WNK3: variants seen among roughly 807,000 people sequenced by gnomAD.
WNK3 encodes WNK lysine deficient protein kinase 3.
Under a neutral mutation model 116.7 loss-of-function variants are expected in WNK3, and 18 were observed. The ratio of observed to expected loss-of-function variants is 0.15; its 90% CI spans 0.11 to 0.23. The LOEUF (loss-of-function observed/expected upper bound fraction) is 0.23, where lower values mean the gene tolerates loss of function less well. Among genes scored for constraint, WNK3 ranks in the 10% least tolerant of loss-of-function variants. The probability of loss-of-function intolerance (pLI) is 1.00; values close to 1 mark genes in which losing one functional copy is unlikely to be tolerated. For synonymous variants in WNK3, 404 were observed against 469.4 expected (o/e 0.86, Z 1.80); for missense variants, 993 against 1,323.8 (o/e 0.75, Z 3.88).
chrX:54,267,254 G>A (rs2068323580), intron 10 of WNK3, among the ~76,000 whole-genome samples: 1 of 110,285 alleles, frequency 9.1e-6, no homozygotes, highest in South Asian at 4.0e-4. Flanking sequence ...TTTTGGTAGA[G>A]ACAGGATTTC....
intron 21 of WNK3, 44 bp downstream of exon 21, chrX:54,232,765 T>A (rs782802095): frequency 2.7e-6 from 3 of 1,106,127 alleles, no homozygotes; most frequent in Non-Finnish European, 3.7e-6. Context: ...ATTTTGCTAA[T>A]CTTGGACTAG....
chrX:54,268,261 C>T (rs782166576), intron 10 of WNK3, among the ~76,000 whole-genome samples: 1 of 111,281 alleles, frequency 9.0e-6, no homozygotes, highest in East Asian at 2.8e-4. Flanking sequence ...GCGAGGGGAT[C>T]GCTTGAGCCC....
intron 22 of WNK3, among the ~76,000 whole-genome samples, chrX:54,225,159 A>G (rs781821771): frequency 2.8e-5 from 3 of 109,032 alleles, no homozygotes; most frequent in Non-Finnish European, 5.7e-5. Context: ...AGGCAGAAAG[A>G]TCACTTGAGT....
chrX:54,330,503 G>GC (rs2069156292), intron 2 of WNK3, among the ~76,000 whole-genome samples: 1 of 112,057 alleles, frequency 8.9e-6, no homozygotes, highest in Non-Finnish European at 1.9e-5. Context: ...GCTTCAGTGA[G>GC]CCAAGACAGC....
intron 6 of WNK3, among the ~76,000 whole-genome samples, chrX:54,299,449 GTTTTTTTT>G (rs11383477): frequency 1.2e-5 from 1 of 83,706 alleles, no homozygotes; most frequent in Admixed American, 1.3e-4. Context: ...GTGTTTTGGT[GTTTTTTTT>G]TTTTTTTTTT....
chrX:54,251,923 G>A (rs2068134601), intron 13 of WNK3, among the ~76,000 whole-genome samples: 1 of 108,867 alleles, frequency 9.2e-6, no homozygotes, highest in Admixed American at 9.9e-5. Context: ...AAATTAACTG[G>A]GTATGATGGC....
chrX:54,293,892 C>T (rs1312043893), intron 8 of WNK3, among the ~76,000 whole-genome samples: 3 of 112,026 alleles, frequency 2.7e-5, no homozygotes, highest in Non-Finnish European at 5.6e-5. Flanking sequence ...AAACGATGTA[C>T]GTGGCTGGGC....
At chrX:54,205,279 A>G (rs868949395) in intron 22 of WNK3, among the ~76,000 whole-genome samples, 1 of 102,608 alleles carries the variant, frequency 9.7e-6, no homozygotes, top group Admixed American at 1.0e-4. Context: ...AAACAAACAA[A>G]CAACAAAAAA....
chrX:54,278,842 G>A (rs782158703), intron 10 of WNK3, among the ~76,000 whole-genome samples: 3 of 111,696 alleles, frequency 2.7e-5, no homozygotes, highest in East Asian at 5.6e-4. Context: ...AGGCTAAGGC[G>A]GGTGGATCAC....
chrX:54,227,960 G>A (rs894219774), intron 22 of WNK3, among the ~76,000 whole-genome samples: 1 of 110,698 alleles, frequency 9.0e-6, no homozygotes, highest in African/African-American at 3.3e-5. Flanking sequence ...GCGTGAACAC[G>A]GATCACTGCA....
At chrX:54,216,865 T>A (rs1316369198) in intron 22 of WNK3, among the ~76,000 whole-genome samples, 1 of 111,683 alleles carries the variant, frequency 9.0e-6, no homozygotes, top group Non-Finnish European at 1.9e-5. Context: ...AAATTAAAAA[T>A]AAATAAATAA....
At chrX:54,327,685 T>G (rs2069122029) in intron 2 of WNK3, among the ~76,000 whole-genome samples, 1 of 110,883 alleles carries the variant, frequency 9.0e-6, no homozygotes. Context: ...AGACTCTGTC[T>G]CTAAAAATCA....
chrX:54,285,741 G>A (rs1281434050), intron 10 of WNK3, among the ~76,000 whole-genome samples: 3 of 112,187 alleles, frequency 2.7e-5, no homozygotes, highest in Non-Finnish European at 5.6e-5. Context: ...CCTCTTCTAT[G>A]TCTTGATAAT....
chrX:54,226,042 GA>G (rs1364067021), intron 22 of WNK3, among the ~76,000 whole-genome samples: 1 of 88,973 alleles, frequency 1.1e-5, no homozygotes, highest in Non-Finnish European at 2.2e-5. Flanking sequence ...CTCAATGGGG[GA>G]AAAATAGTCT....
chrX:54,215,325 G>C (rs1024463146), intron 22 of WNK3, among the ~76,000 whole-genome samples: 2 of 110,946 alleles, frequency 1.8e-5, no homozygotes, highest in African/African-American at 3.3e-5. Context: ...CGAGTGCCTG[G>C]GATTGCAGGC....
intron 17 of WNK3, 121 bp downstream of exon 17, chrX:54,248,576 T>C (rs2146926186): frequency 3.4e-6 from 2 of 594,167 alleles, no homozygotes; most frequent in East Asian, 3.6e-5. Flanking sequence ...TAAATACCTG[T>C]GACCTCAGCA....
chrX:54,278,584 C>T (rs1187122069), intron 10 of WNK3, among the ~76,000 whole-genome samples: 8 of 110,506 alleles, frequency 7.2e-5, no homozygotes, highest in Admixed American at 5.8e-4. Flanking sequence ...AAAAGACCCA[C>T]GCAAATAAGC....
At chrX:54,249,853 T>C in intron 16 of WNK3, 141 bp downstream of exon 16, 9 of 814,749 alleles carry the variant, frequency 1.1e-5, no homozygotes, top group Non-Finnish European at 1.4e-5. Context: ...TTAAGTTGTA[T>C]CCTAATATTA....
chrX:54,345,199 G>A lies in WNK3; in HGVS notation c.-119-11407C>T, dbSNP rs1207863442. Among the ~76,000 whole-genome samples, 3 of 107,554 alleles carry A rather than the reference G, an allele frequency of 2.8e-5. 1 individual carries two copies. Among genetic ancestry groups the A allele is most frequent in the Non-Finnish European group, 5.7e-5 (3 of 52,238 alleles). The allele number at this position is 107,554 out of a possible 115,157, so 93.4% of individuals were successfully genotyped here. On this transcript the variant is annotated intron_variant, in intron 1 of 23. Coordinates refer to ENST00000354646, the Ensembl canonical transcript of WNK3. ...GGAGCTTGCAGTGAGCCGAGATTGTGCCACTGCACTCCAGCCTGGGGAACA... is the reference window on the plus strand; with the variant it reads ...GGAGCTTGCAGTGAGCCGAGATTGTACCACTGCACTCCAGCCTGGGGAACA...
Sources: gnomAD v4.1 joint callset for allele counts (sites outside exome capture counted in the v4.1 genomes callset) on GRCh38, gnomAD v4.1.1 for gene constraint, MANE v1.5 for transcripts, NCBI Gene and HGNC (gene_info 2026-07-23, HGNC 2026-07-21) for gene names.